The following SMAD2 variants were observed in gnomAD, a reference collection of about 807,000 sequenced individuals.
SMAD2 encodes SMAD family member 2, also known as MAD homolog 2.
SMAD2 carries 8 observed loss-of-function variants against 64.4 expected under a neutral mutation model. That is an observed-to-expected ratio of 0.12 (90% CI 0.07 to 0.22). SMAD2 has a LOEUF of 0.22. SMAD2 is among the 10% of genes least tolerant of loss of function. The pLI, the probability that SMAD2 is intolerant of heterozygous loss-of-function variation, is 1.00. For missense variants in SMAD2, 289 were observed against 561.2 expected, an observed-to-expected ratio of 0.51 and a Z score of 4.90; for synonymous variants, 203 against 195.8, an observed-to-expected ratio of 1.04 and a Z score of -0.31.
At chr18:47,920,210 T>C (rs191741209) in intron 1 of SMAD2, 1 of 152,278 alleles carries the variant, frequency 6.6e-6, no homozygotes, top group African/African-American at 2.4e-5. Flanking sequence ...GTCTCTTTTA[T>C]AAAGGCACTA....
Position 47,840,074 on chromosome 18 carries a change from T to C in SMAD2, c.*1753A>G, listed in dbSNP as rs892323430. 29 of 233,054 alleles carry C rather than the reference T, an allele frequency of 1.2e-4. No homozygotes were observed. Among genetic ancestry groups the C allele is most frequent in the African/African-American group, 6.0e-4 (27 of 45,334 alleles). The allele number at this position is 233,054 out of a possible 1,614,324, so 14.4% of individuals were successfully genotyped here. Reference sequence around the variant, plus strand: ...GTTCCTGGTACAAACAGGTGAACAATAAATATTTGTTGAATGAATAAAAAA... The same window carrying C: ...GTTCCTGGTACAAACAGGTGAACAACAAATATTTGTTGAATGAATAAAAAA... On this transcript the variant is annotated 3_prime_UTR_variant, in exon 11 of 11. Transcript: ENST00000262160.
At chr18:47,908,170 T>C (rs922786622) in intron 1 of SMAD2, among the ~76,000 whole-genome samples, 4 of 152,166 alleles carry the variant, frequency 2.6e-5, no homozygotes, top group African/African-American at 9.7e-5. Context: ...GAAGTTTCCG[T>C]CCACAACATG....
chr18:47,865,170 C>G, intron 5 of SMAD2, 37 bp from the exon 6 acceptor site: 1 of 1,079,904 alleles, frequency 9.3e-7, no homozygotes, highest in East Asian at 2.4e-5. Flanking sequence ...ACAGCTGCAA[C>G]ATAATCTCAC....
At chr18:47,907,399 A>C (rs2033948353) in intron 1 of SMAD2, among the ~76,000 whole-genome samples, 1 of 152,216 alleles carries the variant, frequency 6.6e-6, no homozygotes, top group African/African-American at 2.4e-5. Context: ...GCTGGGCAAA[A>C]GACAAAGAAA....
chr18:47,863,128 C>T (rs1451367380), intron 6 of SMAD2, among the ~76,000 whole-genome samples: 1 of 152,116 alleles, frequency 6.6e-6, no homozygotes, highest in Non-Finnish European at 1.5e-5. Flanking sequence ...TAATTATGTC[C>T]TTCCTTCTGG....
At position 47,930,557 on chromosome 18, in the gene SMAD2, C is replaced by CGGGAGGGTAGGGGAAGAGAG. The variant is rs1180045001; in HGVS notation, c.-270_-251dup. Reference sequence around the variant, plus strand: ...GGGCCCGGCCGGCGGCCCGGGCGCGCGGGAGGGTAGGGGAAGAGAGGGGAG... The same window carrying CGGGAGGGTAGGGGAAGAGAG: ...GGGCCCGGCCGGCGGCCCGGGCGCGCGGGAGGGTAGGGGAAGAGAGGGGAGGGTAGGGGAAGAGAGGGGAG... On this transcript the variant is annotated 5_prime_UTR_variant, in exon 1 of 11. Coordinates refer to ENST00000262160, the MANE Select transcript of SMAD2 (RefSeq NM_005901.6). 2.3e-5 allele frequency: 3 copies of CGGGAGGGTAGGGGAAGAGAG among 128,364 alleles called. No homozygotes were observed. Among genetic ancestry groups the CGGGAGGGTAGGGGAAGAGAG allele is most frequent in the Non-Finnish European group, 5.0e-5 (3 of 60,096 alleles). 8.0% of individuals were successfully genotyped at this position (128,364 alleles called of 1,614,324 possible). A position where few individuals can be genotyped will look rare whatever the true frequency, so the allele number is the denominator to read the frequency against.
chr18:47,913,978 T>C (rs927211934), intron 1 of SMAD2, among the ~76,000 whole-genome samples: 1 of 152,178 alleles, frequency 6.6e-6, no homozygotes. Flanking sequence ...TTAGTAAAAT[T>C]AGGATTCTAC....
Position 47,850,590 on chromosome 18 carries a change from TTATA to T in SMAD2, c.784+680_784+683del, listed in dbSNP as rs1212964913. Among the ~76,000 whole-genome samples the T allele has an allele frequency of 9.1e-5, 5 of 55,092 alleles. 1 individual carries two copies. The highest frequency in any genetic ancestry group is 4.5e-4 in the African/African-American group (5 of 11,002). 36.1% of individuals were successfully genotyped at this position (55,092 alleles called of 152,430 possible). ...ATATATATTATATATTATATATATA[TTATA>T]TATATTATGTATAATATATATTATA... On this transcript the variant is annotated intron_variant, in intron 7 of 10. Coordinates refer to ENST00000262160, the MANE Select transcript of SMAD2 (RefSeq NM_005901.6).
At chr18:47,850,831 T>C (rs2029953871) in intron 7 of SMAD2, among the ~76,000 whole-genome samples, 1 of 25,136 alleles carries the variant, frequency 4.0e-5, no homozygotes, top group Non-Finnish European at 6.1e-5. Context: ...ATATTATATA[T>C]ATTATGTATA....
At position 47,906,245 on chromosome 18, in the gene SMAD2, C is replaced by T. The variant is rs79011282; in HGVS notation, c.-53-9436G>A. 2.8e-4 allele frequency among the ~76,000 whole-genome samples: 42 copies of T among 152,076 alleles called. No homozygotes were observed. The East Asian group carries it at 7.2e-3, about 26-fold the overall frequency. On this transcript the variant is annotated intron_variant, in intron 1 of 10. Transcript: ENST00000262160. ...TACCAACATGACACCCCCAAAAAAA[C>T]GGTCATTGTACTATACAGCTATAAT...
intron 1 of SMAD2, among the ~76,000 whole-genome samples, chr18:47,928,667 T>C (rs940528224): frequency 4.6e-5 from 7 of 152,218 alleles, no homozygotes; most frequent in Admixed American, 1.3e-4. Flanking sequence ...ACATGACCAC[T>C]TATGACTAAG....
At chr18:47,924,797 G>A (rs1049072582) in intron 1 of SMAD2, among the ~76,000 whole-genome samples, 10 of 152,226 alleles carry the variant, frequency 6.6e-5, no homozygotes, top group Non-Finnish European at 1.2e-4. Context: ...AAGACGTGAT[G>A]AGGATGGAAC....
intron 1 of SMAD2, among the ~76,000 whole-genome samples, chr18:47,910,438 T>C (rs964525581): frequency 7.9e-5 from 12 of 152,210 alleles, no homozygotes; most frequent in Non-Finnish European, 5.9e-5. Flanking sequence ...ATAACACAGA[T>C]CCTTCCATTA....
At chr18:47,885,714 C>A (rs1367973437) in intron 2 of SMAD2, among the ~76,000 whole-genome samples, 2 of 152,066 alleles carry the variant, frequency 1.3e-5, no homozygotes, top group Non-Finnish European at 2.9e-5. Context: ...GTAATCCCAG[C>A]ACTTTGGGAG....
chr18:47,917,560 T>C (rs1244457899), intron 1 of SMAD2, among the ~76,000 whole-genome samples: 2 of 152,218 alleles, frequency 1.3e-5, no homozygotes, highest in African/African-American at 2.4e-5. Context: ...TGCCTTATAC[T>C]GGAGTGATCA....
chr18:47,868,514 C>T (rs1192920526), intron 4 of SMAD2, 57 bp from the exon 5 acceptor site: 17 of 1,487,424 alleles, frequency 1.1e-5, no homozygotes, highest in Middle Eastern at 1.7e-4. Context: ...AGTGGGGGAA[C>T]CTTTTTTAAA....
In SMAD2 at chr18:47,891,475, G is replaced by T. The variant is rs187546089; in HGVS notation, c.236+5046C>A. ...ATTTTTCCACCGTATAATCATGGTT[G>T]ATTTTTCAGTTATGTACATGCTACT... On this transcript the variant is annotated intron_variant, in intron 2 of 10. Transcript: ENST00000262160. Among the ~76,000 whole-genome samples, 12 of 151,818 alleles carry T rather than the reference G, an allele frequency of 7.9e-5. No individual in the cohort carries two copies. In the East Asian group the frequency reaches 1.4e-3, roughly 17 times the overall value.
intron 6 of SMAD2, among the ~76,000 whole-genome samples, chr18:47,861,031 A>G (rs1038177531): frequency 6.6e-6 from 1 of 152,150 alleles, no homozygotes; most frequent in African/African-American, 2.4e-5. Context: ...TAGGACAGAA[A>G]AAGAAAAAAG....
At chr18:47,850,385 T>TAC (rs1555646303) in intron 7 of SMAD2, among the ~76,000 whole-genome samples, 10 of 21,184 alleles carry the variant, frequency 4.7e-4, no homozygotes, top group African/African-American at 1.7e-3. Flanking sequence ...ATATATATTA[T>TAC]ATAATATATA....
Sources: gnomAD v4.1 joint callset for allele counts (sites outside exome capture counted in the v4.1 genomes callset) on GRCh38, gnomAD v4.1.1 for gene constraint, MANE v1.5 for transcripts, NCBI Gene and HGNC (gene_info 2026-07-23, HGNC 2026-07-21) for gene names.